GAS7: variants seen among roughly 807,000 people sequenced by gnomAD.
GAS7 encodes growth arrest-specific protein 7.
A neutral mutation model predicts 71.1 loss-of-function variants in GAS7; 28 were observed. The ratio of observed to expected loss-of-function variants is 0.39; its 90% CI spans 0.29 to 0.54. The LOEUF is 0.54. Ranked by LOEUF, GAS7 falls within the 20% of genes least tolerant of loss-of-function variation. GAS7 has a pLI of 0.62. For synonymous variants in GAS7, 258 were observed against 245.8 expected (o/e 1.05, Z -0.46); for missense variants, 436 against 627.8 (o/e 0.69, Z 3.27).
chr17:10,065,508 C>G (rs1382550161), intron 1 of GAS7, among the ~76,000 whole-genome samples: 2 of 152,184 alleles, frequency 1.3e-5, no homozygotes, highest in Non-Finnish European at 2.9e-5. Context: ...TGGCTTGTGG[C>G]TGCATCACTC....
intron 2 of GAS7, among the ~76,000 whole-genome samples, chr17:10,016,711 C>A (rs893211626): frequency 2.7e-5 from 4 of 147,522 alleles, no homozygotes; most frequent in African/African-American, 9.8e-5. Context: ...GCCAAGAATT[C>A]AAGACCAGCC....
At chr17:10,191,702 C>T (rs2142155310) in intron 1 of GAS7, among the ~76,000 whole-genome samples, 1 of 151,714 alleles carries the variant, frequency 6.6e-6, no homozygotes, top group Non-Finnish European at 1.5e-5. Context: ...TGGTGAAACC[C>T]CACCTCTACT....
At chr17:10,072,331 C>A (rs140871022) in intron 1 of GAS7, among the ~76,000 whole-genome samples, 43 of 152,292 alleles carry the variant, frequency 2.8e-4, no homozygotes, top group South Asian at 4.1e-4. Flanking sequence ...AACCCAGCAC[C>A]CAGGCCCCTG....
intron 5 of GAS7, among the ~76,000 whole-genome samples, chr17:9,947,791 A>T (rs1272749063): frequency 6.6e-6 from 1 of 151,566 alleles, no homozygotes; most frequent in Non-Finnish European, 1.5e-5. Flanking sequence ...AAATTTAACA[A>T]GGAAAATGTG....
rs551442769 is a variant in GAS7, at chr17:10,054,228, T to C, written c.184-34331A>G. 9.2e-5 allele frequency among the ~76,000 whole-genome samples: 14 copies of C among 152,068 alleles called. No homozygotes were observed. In the East Asian group the frequency reaches 1.9e-3, roughly 21 times the overall value. ...TTTTCATAGACATGGGTGCGGGGAA[T>C]ATTTCCTGCTTTCCCTAACCATAAG... On this transcript the variant is annotated intron_variant, in intron 1 of 13. Transcript: ENST00000432992.
In GAS7 at chr17:10,083,928, T is replaced by G. The variant is rs549921685; in HGVS notation, c.184-64031A>C. 2.4e-4 allele frequency among the ~76,000 whole-genome samples: 37 copies of G among 152,292 alleles called. 1 individual carries two copies. In the South Asian group the frequency reaches 7.7e-3, roughly 32 times the overall value. ...AAAGCACACCAAACAGGAAGACAAGTTCTCAGTCTGGTCCAAGGATTTAAA... is the reference window on the plus strand; with the variant it reads ...AAAGCACACCAAACAGGAAGACAAGGTCTCAGTCTGGTCCAAGGATTTAAA... On this transcript the variant is annotated intron_variant, in intron 1 of 13. Transcript: ENST00000432992.
At chr17:10,069,114 C>G (rs889020806) in intron 1 of GAS7, among the ~76,000 whole-genome samples, 1 of 152,160 alleles carries the variant, frequency 6.6e-6, no homozygotes, top group African/African-American at 2.4e-5. Flanking sequence ...AACAGCCACC[C>G]TTACTATTCA....
chr17:9,936,346 C>A (rs918055106), intron 8 of GAS7, among the ~76,000 whole-genome samples: 21 of 152,176 alleles, frequency 1.4e-4, no homozygotes, highest in African/African-American at 5.1e-4. Flanking sequence ...TTTGTATGAG[C>A]ACATGCATCT....
At chr17:9,943,354 C>G (rs775298710) in intron 6 of GAS7, 118 bp from the exon 7 acceptor site, 64 of 681,526 alleles carry the variant, frequency 9.4e-5, no homozygotes, top group Non-Finnish European at 1.7e-4. Flanking sequence ...CAGCACAAGA[C>G]GCGGGAGCAG....
At chr17:10,052,433 A>AG (rs936202815) in intron 1 of GAS7, among the ~76,000 whole-genome samples, 4 of 152,174 alleles carry the variant, frequency 2.6e-5, no homozygotes, top group African/African-American at 9.7e-5. Context: ...CAGGTCTAAG[A>AG]GGGTGGGTAG....
rs1252230604 is a variant in GAS7, at chr17:10,146,960, T to TAAAAAAAAAAAAA, written c.183+51247_183+51248insTTTTTTTTTTTTT. Among the ~76,000 whole-genome samples the TAAAAAAAAAAAAA allele has an allele frequency of 1.1e-3, 164 of 144,756 alleles. 3 individuals are homozygous for TAAAAAAAAAAAAA. Among genetic ancestry groups the TAAAAAAAAAAAAA allele is most frequent in the East Asian group, 1.2e-3 (5 of 4,308 alleles). 95.0% of individuals were successfully genotyped at this position (144,756 alleles called of 152,430 possible). A position where few individuals can be genotyped will look rare whatever the true frequency, so the allele number is the denominator to read the frequency against. On this transcript the variant is annotated intron_variant, in intron 1 of 13. Coordinates refer to ENST00000432992, the MANE Select transcript of GAS7 (RefSeq NM_201433.2). ...CGCGCCAGAGCGAGACTCCGTCTCA[T>TAAAAAAAAAAAAA]AAAAAAAACGATCTCTGTCTTCCTG...
At chr17:9,929,535 C>T (rs868260991) in intron 9 of GAS7, among the ~76,000 whole-genome samples, 3 of 152,122 alleles carry the variant, frequency 2.0e-5, no homozygotes, top group South Asian at 2.1e-4. Context: ...AGTGCAATGG[C>T]GCAATCTTGG....
chr17:10,140,562 C>T (rs556461000), intron 1 of GAS7, among the ~76,000 whole-genome samples: 1 of 152,234 alleles, frequency 6.6e-6, no homozygotes, highest in African/African-American at 2.4e-5. Context: ...TGGCTATATG[C>T]ACGTATGTCT....
intron 1 of GAS7, among the ~76,000 whole-genome samples, chr17:10,093,987 C>G (rs2073615794): frequency 1.3e-5 from 2 of 152,220 alleles, no homozygotes; most frequent in African/African-American, 4.8e-5. Context: ...GTGGGAACTT[C>G]CTTAACCCAT....
intron 1 of GAS7, among the ~76,000 whole-genome samples, chr17:10,039,485 C>G (rs1038386522): frequency 5.9e-5 from 9 of 152,046 alleles, no homozygotes; most frequent in Admixed American, 3.3e-4. Context: ...AGTTCGAGAC[C>G]AGCCTGGCCA....
At chr17:10,109,009 A>T (rs2073785338) in intron 1 of GAS7, among the ~76,000 whole-genome samples, 1 of 152,212 alleles carries the variant, frequency 6.6e-6, no homozygotes, top group South Asian at 2.1e-4. Flanking sequence ...AAAGCAAAGG[A>T]AACAGTCAAC....
At chr17:10,025,070 C>T (rs566041516) in intron 1 of GAS7, among the ~76,000 whole-genome samples, 33 of 152,200 alleles carry the variant, frequency 2.2e-4, no homozygotes, top group African/African-American at 7.9e-4. Flanking sequence ...TAATAACTTG[C>T]CCAGTGTGGC....
In GAS7 at chr17:9,914,739, C is replaced by A. The variant is rs1355961923; in HGVS notation, c.*2489G>T. On this transcript the variant is annotated 3_prime_UTR_variant, in exon 14 of 14. Coordinates refer to ENST00000432992, the MANE Select transcript of GAS7 (RefSeq NM_201433.2). Reference sequence around the variant, plus strand: ...GGTACAATGTTCTTATTATACTCTTCTCAGTCGACATGGAGAATAGAGGAG... The same window carrying A: ...GGTACAATGTTCTTATTATACTCTTATCAGTCGACATGGAGAATAGAGGAG... 9 of 223,816 alleles carry A rather than the reference C, an allele frequency of 4.0e-5. No homozygotes were observed. Among genetic ancestry groups the A allele is most frequent in the Non-Finnish European group, 5.3e-5 (6 of 112,226 alleles). 13.9% of individuals were successfully genotyped at this position (223,816 alleles called of 1,614,324 possible).
intron 1 of GAS7, among the ~76,000 whole-genome samples, chr17:10,130,862 C>T (rs1009212758): frequency 7.9e-5 from 12 of 152,086 alleles, no homozygotes; most frequent in East Asian, 7.7e-4. Context: ...TTGGGGGGAA[C>T]GGGAAGTGAC....
Sources: gnomAD v4.1 joint callset for allele counts (sites outside exome capture counted in the v4.1 genomes callset) on GRCh38, gnomAD v4.1.1 for gene constraint, MANE v1.5 for transcripts, NCBI Gene and HGNC (gene_info 2026-07-23, HGNC 2026-07-21) for gene names.